The following PLEKHA5 variants were observed in gnomAD, a reference collection of about 807,000 sequenced individuals.
The protein encoded by PLEKHA5 is pleckstrin homology domain containing A5, also known as pleckstrin homology domain-containing family A member 5.
Under a neutral mutation model 181.9 loss-of-function variants are expected in PLEKHA5, and 55 were observed. The observed-to-expected ratio is 0.30, with a 90% CI of 0.24 to 0.38. The LOEUF (loss-of-function observed/expected upper bound fraction) is 0.38. PLEKHA5 is among the 10% of genes least tolerant of loss of function. The pLI, the probability that PLEKHA5 is intolerant of heterozygous loss-of-function variation, is 1.00. For synonymous variants in PLEKHA5, 535 were observed against 529.4 expected, an observed-to-expected ratio of 1.01 and a Z score of -0.15; for missense variants, 1,432 against 1,549.5, an observed-to-expected ratio of 0.92 and a Z score of 1.27.
At chr12:19,160,311 T>C (rs2042683169) in intron 3 of PLEKHA5, among the ~76,000 whole-genome samples, 1 of 152,104 alleles carries the variant, frequency 6.6e-6, no homozygotes, top group Admixed American at 6.5e-5. Context: ...ATCTGTCTTA[T>C]AGTATGAAAT....
chr12:19,362,330 T>C (rs1220728363), intron 29 of PLEKHA5, among the ~76,000 whole-genome samples: 1 of 151,944 alleles, frequency 6.6e-6, no homozygotes, highest in East Asian at 1.9e-4. Context: ...AGTCAGGAGT[T>C]TGAGACCAGC....
At chr12:19,326,199 T>C (rs1468168705) in intron 20 of PLEKHA5, among the ~76,000 whole-genome samples, 1 of 152,180 alleles carries the variant, frequency 6.6e-6, no homozygotes, top group African/African-American at 2.4e-5. Flanking sequence ...ACAAGTCTTA[T>C]TGCATAGAAT....
chr12:19,173,048 G>T (rs1307890028), intron 3 of PLEKHA5, among the ~76,000 whole-genome samples: 3 of 95,806 alleles, frequency 3.1e-5, no homozygotes, highest in Admixed American at 1.7e-4. Context: ...ACGGAGTCTC[G>T]CTCTGTCGCC....
intron 13 of PLEKHA5, among the ~76,000 whole-genome samples, chr12:19,289,268 A>G (rs528952309): frequency 6.6e-6 from 1 of 152,372 alleles, no homozygotes; most frequent in South Asian, 2.1e-4. Flanking sequence ...TATCTAAGGA[A>G]TCCAATAGTA....
chr12:19,312,544 A>G (rs148491952), intron 15 of PLEKHA5, among the ~76,000 whole-genome samples: 19 of 152,300 alleles, frequency 1.2e-4, no homozygotes, highest in African/African-American at 4.3e-4. Context: ...GCTTCTTTCC[A>G]TAAACCTCAT....
At chr12:19,164,294 G>C (rs1004030704) in intron 3 of PLEKHA5, among the ~76,000 whole-genome samples, 2 of 150,288 alleles carry the variant, frequency 1.3e-5, no homozygotes, top group Non-Finnish European at 3.0e-5. Context: ...CGCCTCCCGG[G>C]TTCAAGCGAT....
At position 19,347,114 on chromosome 12, in the gene PLEKHA5, C is replaced by T; in HGVS notation, c.2830C>T (p.Pro944Ser). 1 of 1,550,270 alleles carries T rather than the reference C, an allele frequency of 6.5e-7. No individual in the cohort carries two copies. The highest frequency in any genetic ancestry group is 8.7e-7 in the Non-Finnish European group (1 of 1,145,900). The change falls in exon 24 of 32, where the codon CCA becomes TCA. Residue 944 changes from proline to serine, a missense_variant. Pro to Ser is a moderately conservative substitution (Grantham distance 74, BLOSUM62 -1). Coordinates refer to ENST00000429027, the MANE Select transcript of PLEKHA5 (RefSeq NM_001256470.2). ...CTCCTTGCTCTGTTATAGCAGGGGC[C>T]CAGTTCATCTGCCTGAAGAAAAGAA... ...SSSLLCYSRG[P>S]VHLPEEKKMY...
chr12:19,142,740 T>C (rs2037775352), intron 3 of PLEKHA5, among the ~76,000 whole-genome samples: 1 of 152,212 alleles, frequency 6.6e-6, no homozygotes, highest in Non-Finnish European at 1.5e-5. Flanking sequence ...CTCAGTCCTC[T>C]ACTGTAGTCT....
chr12:19,349,070 T>C (rs2094465788), intron 25 of PLEKHA5, among the ~76,000 whole-genome samples: 4 of 145,296 alleles, frequency 2.8e-5, no homozygotes, highest in Admixed American at 7.2e-5. Context: ...TTTTTTTTTT[T>C]CTGTTTCTGG....
chr12:19,159,114 A>G (rs1463413950), intron 3 of PLEKHA5, among the ~76,000 whole-genome samples: 2 of 152,208 alleles, frequency 1.3e-5, no homozygotes, highest in Admixed American at 1.3e-4. Context: ...TCATAAAAAA[A>G]GAGTTTGTTA....
intron 31 of PLEKHA5, chr12:19,371,852 C>G (rs3962577): frequency 0.24 from 36,702 of 152,058 alleles, 4,489 homozygotes; most frequent in Middle Eastern, 0.34. Context: ...GGATCAAATG[C>G]TGGATCTACT....
chr12:19,183,111 A>T (rs1170578698), intron 3 of PLEKHA5, among the ~76,000 whole-genome samples: 3 of 152,218 alleles, frequency 2.0e-5, no homozygotes, highest in Admixed American at 2.0e-4. Flanking sequence ...TTAAAAGGAG[A>T]GTGGGGGAAA....
rs750146581 is a variant in PLEKHA5 at position 19,253,994 on chromosome 12, G to A, written c.282G>A (p.Gln94=). Residue 94 remains glutamine, a synonymous_variant, in exon 4 of 32, where the codon CAG becomes CAA. Coordinates refer to ENST00000429027, the MANE Select transcript of PLEKHA5 (RefSeq NM_001256470.2). ...ATCCAGTCACAGGACAACCATCACA[G>A]GACAATTGTATTTTTGTAGTGAATG... ...CKHPVTGQPS[Q]DNCIFVVNEQ... The A allele has an allele frequency of 1.2e-5, 19 of 1,606,444 alleles. No individual in the cohort carries two copies. In the East Asian group the frequency reaches 3.8e-4, roughly 32 times the overall value.
chr12:19,170,679 A>G (rs539760720), intron 3 of PLEKHA5, among the ~76,000 whole-genome samples: 76 of 152,282 alleles, frequency 5.0e-4, no homozygotes, highest in Non-Finnish European at 9.0e-4. Context: ...TGGCCTCCCA[A>G]AGTGTTGGGA....
At chr12:19,332,133 A>T (rs943591115) in intron 20 of PLEKHA5, among the ~76,000 whole-genome samples, 1 of 151,718 alleles carries the variant, frequency 6.6e-6, no homozygotes, top group Non-Finnish European at 1.5e-5. Flanking sequence ...AATTATCTGG[A>T]CATGGTGGTG....
chr12:19,250,420 C>T (rs1032801890), intron 3 of PLEKHA5, among the ~76,000 whole-genome samples: 2 of 152,040 alleles, frequency 1.3e-5, no homozygotes, highest in Non-Finnish European at 1.5e-5. Context: ...CCCCTCTCTA[C>T]TAAAACTACA....
intron 26 of PLEKHA5, 89 bp from the exon 27 acceptor site, chr12:19,358,139 A>T: frequency 2.3e-6 from 2 of 861,948 alleles, no homozygotes; most frequent in Non-Finnish European, 3.6e-6. Flanking sequence ...AAAACAAAAT[A>T]AATAAATGCA....
intron 7 of PLEKHA5, 45 bp downstream of exon 7, chr12:19,261,066 TG>T: frequency 9.6e-7 from 1 of 1,036,374 alleles, no homozygotes; most frequent in Non-Finnish European, 1.5e-6. Context: ...GTAATTGATA[TG>T]TAATATAAGT....
chr12:19,130,421 A>G lies in PLEKHA5; in HGVS notation c.169+291A>G, dbSNP rs984803926. Reference sequence around the variant, plus strand: ...CAGCCTAGACGACCCTCGCGACCCTAGAGTGGCGACGCTCCCCTCCCTGAA... The same window carrying G: ...CAGCCTAGACGACCCTCGCGACCCTGGAGTGGCGACGCTCCCCTCCCTGAA... On this transcript the variant is annotated intron_variant, in intron 2 of 31. Coordinates refer to ENST00000429027, the MANE Select transcript of PLEKHA5 (RefSeq NM_001256470.2). This position sits in a 1 kb window ranked among gnomAD's most constrained non-coding sequence, Gnocchi z 4.5. 1.1e-4 allele frequency among the ~76,000 whole-genome samples: 17 copies of G among 150,458 alleles called. No individual in the cohort carries two copies. Among genetic ancestry groups the G allele is most frequent in the African/African-American group, 2.4e-4 (10 of 40,922 alleles).
Sources: gnomAD v4.1 joint callset for allele counts (sites outside exome capture counted in the v4.1 genomes callset) on GRCh38, gnomAD v4.1.1 for gene constraint, Gnocchi (gnomAD v3.1) non-coding constraint, MANE v1.5 for transcripts, NCBI Gene and HGNC (gene_info 2026-07-23, HGNC 2026-07-21) for gene names.